Variants in AK5 observed in about 807,000 individuals in gnomAD.
The protein encoded by AK5 is adenylate kinase 5, also known as adenylate kinase isoenzyme 5.
A neutral mutation model predicts 69.5 loss-of-function variants in AK5; 27 were observed. The observed-to-expected ratio is 0.39, with a 90% confidence interval of 0.29 to 0.54. The LOEUF (loss-of-function observed/expected upper bound fraction) is 0.54, where lower values mean the gene tolerates loss of function less well. AK5 is among the 20% of genes least tolerant of loss of function. The pLI is 0.71. For synonymous variants in AK5, 260 were observed against 244.4 expected, an observed-to-expected ratio of 1.06 and a Z score of -0.60; for missense variants, 531 against 700.4, an observed-to-expected ratio of 0.76 and a Z score of 2.73.
At chr1:77,364,174 CTTT>C (rs987187210) in intron 6 of AK5, among the ~76,000 whole-genome samples, 9 of 152,082 alleles carry the variant, frequency 5.9e-5, no homozygotes, top group African/African-American at 2.2e-4. Context: ...TTTTCAGAGA[CTTT>C]TAATACCATA....
At chr1:77,367,718 A>ACG in intron 6 of AK5, among the ~76,000 whole-genome samples, 1 of 90,308 alleles carries the variant, frequency 1.1e-5, no homozygotes, top group Non-Finnish European at 2.0e-5. Flanking sequence ...TATGTTATAT[A>ACG]TAATATATGT....
At position 77,531,005 on chromosome 1, in the gene AK5, T is replaced by C. The variant is rs1202253913; in HGVS notation, c.1429-4842T>C. Among the ~76,000 whole-genome samples, 3 of 152,044 alleles carry C rather than the reference T, an allele frequency of 2.0e-5. No individual in the cohort carries two copies. The East Asian group carries it at 5.8e-4, about 29-fold the overall frequency. On this transcript the variant is annotated intron_variant, in intron 12 of 13. Coordinates refer to ENST00000354567, the MANE Select transcript of AK5 (RefSeq NM_174858.3). Reference sequence around the variant, plus strand: ...CCTCATGCCCTGAGGGGTGCAAGGATGAGTGTGGTCCTGTGTCCGGAAATG... The same window carrying C: ...CCTCATGCCCTGAGGGGTGCAAGGACGAGTGTGGTCCTGTGTCCGGAAATG...
At chr1:77,529,475 C>A (rs1367841544) in intron 12 of AK5, among the ~76,000 whole-genome samples, 1 of 151,996 alleles carries the variant, frequency 6.6e-6, no homozygotes, top group Non-Finnish European at 1.5e-5. Context: ...CAGGTGCCCA[C>A]CACCACGTCC....
intron 5 of AK5, among the ~76,000 whole-genome samples, chr1:77,311,721 G>C (rs1269753610): frequency 1.3e-5 from 2 of 152,136 alleles, no homozygotes; most frequent in Non-Finnish European, 2.9e-5. Flanking sequence ...GGCTTTGAAG[G>C]CAGAAGAACC....
chr1:77,282,518 G>T (rs979669174), intron 1 of AK5, 145 bp downstream of exon 1: 45 of 1,378,400 alleles, frequency 3.3e-5, no homozygotes, highest in Admixed American at 2.7e-4. Context: ...CCGCTCCCCC[G>T]AGGGTAGTCG....
intron 6 of AK5, among the ~76,000 whole-genome samples, chr1:77,357,594 A>AC (rs2100427524): frequency 6.6e-6 from 1 of 152,306 alleles, no homozygotes; most frequent in South Asian, 2.1e-4. Flanking sequence ...GATGATAGGT[A>AC]CCTGGTGATC....
At chr1:77,502,546 G>A (rs774136238) in intron 10 of AK5, among the ~76,000 whole-genome samples, 1 of 152,156 alleles carries the variant, frequency 6.6e-6, no homozygotes, top group Non-Finnish European at 1.5e-5. Flanking sequence ...GGAGAAAGTA[G>A]ATAACATGTT....
intron 3 of AK5, among the ~76,000 whole-genome samples, chr1:77,295,545 A>C (rs1411154944): frequency 6.6e-6 from 1 of 152,196 alleles, no homozygotes; most frequent in Non-Finnish European, 1.5e-5. Flanking sequence ...TTTTATGCTT[A>C]AAACTTTCAA....
intron 8 of AK5, among the ~76,000 whole-genome samples, chr1:77,454,180 A>G (rs1011547380): frequency 1.3e-5 from 2 of 152,196 alleles, no homozygotes; most frequent in African/African-American, 4.8e-5. Flanking sequence ...ATATCTGCCA[A>G]ACCCAGGACT....
At chr1:77,417,926 G>A in intron 8 of AK5, 1 of 420,440 alleles carries the variant, frequency 2.4e-6, no homozygotes. Context: ...TCAAAACACA[G>A]TGAATTAAAG....
chr1:77,327,954 G>C (rs1022417479), intron 5 of AK5, among the ~76,000 whole-genome samples: 1 of 152,132 alleles, frequency 6.6e-6, no homozygotes, highest in Non-Finnish European at 1.5e-5. Context: ...TTACTCCCAT[G>C]TATATGAAAC....
At chr1:77,490,924 A>C (rs1480269649) in intron 10 of AK5, among the ~76,000 whole-genome samples, 1 of 151,994 alleles carries the variant, frequency 6.6e-6, no homozygotes, top group African/African-American at 2.4e-5. Flanking sequence ...TTATATCCAA[A>C]GCTTGGGTAG....
intron 6 of AK5, among the ~76,000 whole-genome samples, chr1:77,381,450 T>C (rs1481469948): frequency 6.6e-6 from 1 of 152,218 alleles, no homozygotes; most frequent in Non-Finnish European, 1.5e-5. Context: ...TCAACAGATA[T>C]TTAACACAGG....
At chr1:77,316,264 TCATG>T (rs1167174039) in intron 5 of AK5, among the ~76,000 whole-genome samples, 1 of 152,158 alleles carries the variant, frequency 6.6e-6, no homozygotes, top group East Asian at 1.9e-4. Flanking sequence ...ACTCCATTTG[TCATG>T]CATGCATTGT....
intron 2 of AK5, among the ~76,000 whole-genome samples, chr1:77,287,700 C>T (rs1658437747): frequency 6.6e-6 from 1 of 152,138 alleles, no homozygotes; most frequent in Non-Finnish European, 1.5e-5. Context: ...CACAGAGAAG[C>T]CAGCGCAGCC....
chr1:77,513,311 A>G (rs565394625), intron 10 of AK5, among the ~76,000 whole-genome samples: 120 of 152,280 alleles, frequency 7.9e-4, no homozygotes, highest in African/African-American at 2.8e-3. Context: ...GCCCCCACTC[A>G]TAGAACCTAT....
chr1:77,550,234 TC>T (rs1189388571), intron 13 of AK5, among the ~76,000 whole-genome samples: 1 of 152,218 alleles, frequency 6.6e-6, no homozygotes, highest in African/African-American at 2.4e-5. Flanking sequence ...CGTGAGCCAT[TC>T]CATCCAGCTG....
At chr1:77,506,213 G>C (rs1035424764) in intron 10 of AK5, among the ~76,000 whole-genome samples, 8 of 108,742 alleles carry the variant, frequency 7.4e-5, no homozygotes, top group African/African-American at 2.2e-4. Context: ...CAAAGGATCG[G>C]TGTTTGGTTG....
intron 6 of AK5, among the ~76,000 whole-genome samples, chr1:77,367,578 TA>T (rs1262708367): frequency 0.011 from 117 of 10,274 alleles, 8 homozygotes; most frequent in African/African-American, 0.02. Context: ...TATATATATA[TA>T]ATATATATGT....
Sources: gnomAD v4.1 joint callset for allele counts (sites outside exome capture counted in the v4.1 genomes callset) on GRCh38, gnomAD v4.1.1 for gene constraint, MANE v1.5 for transcripts, NCBI Gene and HGNC (gene_info 2026-07-23, HGNC 2026-07-21) for gene names.